SLC7A1: variants seen among roughly 807,000 people sequenced by gnomAD.
The protein encoded by SLC7A1 is solute carrier family 7 member 1, also known as high affinity cationic amino acid transporter 1.
A neutral mutation model predicts 53.9 loss-of-function variants in SLC7A1; 10 were observed. The observed-to-expected ratio is 0.19, with a 90% CI of 0.11 to 0.31. The LOEUF (loss-of-function observed/expected upper bound fraction) is 0.31. SLC7A1 is among the 10% of genes least tolerant of loss of function. The pLI, the probability that SLC7A1 is intolerant of heterozygous loss-of-function variation, is 1.00. For synonymous variants in SLC7A1, 342 were observed against 338.7 expected (o/e 1.01, Z -0.11); for missense variants, 525 against 827.2 (o/e 0.63, Z 4.48).
chr13:29,551,721 C>T (rs1870198766), intron 2 of SLC7A1, among the ~76,000 whole-genome samples: 1 of 152,098 alleles, frequency 6.6e-6, no homozygotes, highest in African/African-American at 2.4e-5. Context: ...TTAAGTCATG[C>T]TACTAATTAA....
At chr13:29,554,181 T>C (rs986245919) in intron 1 of SLC7A1, among the ~76,000 whole-genome samples, 1 of 152,176 alleles carries the variant, frequency 6.6e-6, no homozygotes, top group Admixed American at 6.5e-5. Flanking sequence ...ATCTAGGGCA[T>C]AGTCGTAGGC....
Position 29,532,120 on chromosome 13 carries a change from T to A in SLC7A1, c.529+704A>T, listed in dbSNP as rs1332499226. Among the ~76,000 whole-genome samples the A allele has an allele frequency of 2.0e-5, 3 of 152,330 alleles. No individual in the cohort carries two copies. The East Asian group carries it at 5.8e-4, about 29-fold the overall frequency. On this transcript the variant is annotated intron_variant, in intron 4 of 12. Transcript: ENST00000380752. ...TATGTGGTGTGTAAAATAAGGCATG[T>A]CATTTTTAAAACTCATCCAAGATTT...
At chr13:29,573,626 C>T (rs939328868) in intron 1 of SLC7A1, among the ~76,000 whole-genome samples, 1 of 152,216 alleles carries the variant, frequency 6.6e-6, no homozygotes, top group African/African-American at 2.4e-5. Flanking sequence ...AAATACAGGA[C>T]TGCCCAGTTA....
At position 29,543,275 on chromosome 13, in the gene SLC7A1, A is replaced by C. The variant is rs1317737073; in HGVS notation, c.-14-7073T>G. Among the ~76,000 whole-genome samples the C allele has an allele frequency of 5.9e-5, 9 of 152,370 alleles. No individual in the cohort carries two copies. In the East Asian group the frequency reaches 1.7e-3, roughly 29 times the overall value. ...TCAAGAAGTACAGAGGCACAGAGCCATTTGGGCACTTCCATATATCGAGCT... is the reference window on the plus strand; with the variant it reads ...TCAAGAAGTACAGAGGCACAGAGCCCTTTGGGCACTTCCATATATCGAGCT... On this transcript the variant is annotated intron_variant, in intron 2 of 12. Coordinates refer to ENST00000380752, the MANE Select transcript of SLC7A1 (RefSeq NM_003045.5).
chr13:29,553,740 G>A (rs866808141), intron 2 of SLC7A1, 21 bp downstream of exon 2: 4 of 152,282 alleles, frequency 2.6e-5, no homozygotes, highest in South Asian at 4.2e-4. Flanking sequence ...TTCTGCTGTC[G>A]TGCTGACAGG....
chr13:29,577,589 C>A (rs1468245981), intron 1 of SLC7A1, among the ~76,000 whole-genome samples: 3 of 152,194 alleles, frequency 2.0e-5, no homozygotes, highest in Non-Finnish European at 4.4e-5. Flanking sequence ...TGTGTCCACG[C>A]TGGGGCTGCA....
rs147389099 is a variant in SLC7A1 at position 29,586,010 on chromosome 13, G to C, written c.-115+9406C>G. Reference sequence around the variant, plus strand: ...ACAGGACAGGACAAACTGGCCCAAAGGTTCCTTAGTTACAGAGTAAGTAAG... The same window carrying C: ...ACAGGACAGGACAAACTGGCCCAAACGTTCCTTAGTTACAGAGTAAGTAAG... On this transcript the variant is annotated intron_variant, in intron 1 of 12. Coordinates refer to ENST00000380752, the MANE Select transcript of SLC7A1 (RefSeq NM_003045.5). Among the ~76,000 whole-genome samples, 328 of 152,298 alleles carry C rather than the reference G, an allele frequency of 2.2e-3. 1 individual carries two copies. Among genetic ancestry groups the C allele is most frequent in the African/African-American group, 7.6e-3 (316 of 41,542 alleles).
At chr13:29,526,129 C>T (rs188549661) in intron 5 of SLC7A1, among the ~76,000 whole-genome samples, 103 of 152,282 alleles carry the variant, frequency 6.8e-4, no homozygotes, top group African/African-American at 2.4e-3. Context: ...GGGTGACAGA[C>T]GGGCAGTGAA....
At chr13:29,522,581 T>TC in intron 7 of SLC7A1, 125 bp from the exon 8 acceptor site, 1 of 978,530 alleles carries the variant, frequency 1.0e-6, no homozygotes, top group Non-Finnish European at 1.5e-6. Flanking sequence ...CTGCCGTCCC[T>TC]CCACGCTGGG....
chr13:29,556,938 G>T (rs1343863625), intron 1 of SLC7A1, among the ~76,000 whole-genome samples: 3 of 152,236 alleles, frequency 2.0e-5, no homozygotes, highest in Non-Finnish European at 2.9e-5. Context: ...ATAGTCTCCT[G>T]TCGTGGTATA....
At chr13:29,571,096 T>C (rs1484711846) in intron 1 of SLC7A1, among the ~76,000 whole-genome samples, 1 of 152,154 alleles carries the variant, frequency 6.6e-6, no homozygotes, top group Non-Finnish European at 1.5e-5. Context: ...TGATAACTGT[T>C]TTTGCCATAC....
chr13:29,517,626 A>G lies in SLC7A1; in HGVS notation c.1457T>C (p.Met486Thr). 1 of 1,614,216 alleles carries G rather than the reference A, an allele frequency of 6.2e-7. No homozygotes were observed. ...TAGCCCAGAGATTTTGGAAGGCTCC[A>G]TGTTTTTGGGTGAGAGTATGGTTTT... is the stretch of plus-strand genomic sequence containing the variant. Reference protein sequence around the residue: ...SLKTILSPKNMEPSKISGLIV... With the variant: ...SLKTILSPKNTEPSKISGLIV... Residue 486 changes from methionine to threonine, a missense_variant, in exon 10 of 13, where the codon ATG becomes ACG. Physicochemically the swap from Met to Thr is moderately conservative, Grantham distance 81. Coordinates refer to ENST00000380752, the MANE Select transcript of SLC7A1 (RefSeq NM_003045.5).
chr13:29,590,626 C>T (rs1321079394), intron 1 of SLC7A1, among the ~76,000 whole-genome samples: 1 of 152,130 alleles, frequency 6.6e-6, no homozygotes, highest in Admixed American at 6.5e-5. Flanking sequence ...ATTGTTCCTT[C>T]CCTCAGACCT....
intron 2 of SLC7A1, among the ~76,000 whole-genome samples, chr13:29,539,321 T>A (rs1052693077): frequency 1.3e-5 from 2 of 152,158 alleles, no homozygotes. Flanking sequence ...AAGGCGAATG[T>A]GAGCCGGCTG....
intron 1 of SLC7A1, among the ~76,000 whole-genome samples, chr13:29,588,948 G>T (rs893779701): frequency 2.6e-5 from 4 of 152,198 alleles, no homozygotes; most frequent in Non-Finnish European, 5.9e-5. Context: ...CTGGGTCCCA[G>T]AAACTGCACC....
intron 10 of SLC7A1, 57 bp downstream of exon 10, chr13:29,517,516 T>C (rs953103161): frequency 2.8e-6 from 4 of 1,442,072 alleles, no homozygotes; most frequent in African/African-American, 1.4e-5. Flanking sequence ...CCAGCTCCAC[T>C]GCCTAGAAAC....
chr13:29,527,332 T>C (rs1162860066), intron 5 of SLC7A1, among the ~76,000 whole-genome samples: 1 of 152,170 alleles, frequency 6.6e-6, no homozygotes, highest in East Asian at 1.9e-4. Context: ...ATGAACCACG[T>C]AGTATTTTAC....
At chr13:29,578,634 T>C (rs999867111) in intron 1 of SLC7A1, among the ~76,000 whole-genome samples, 2 of 152,196 alleles carry the variant, frequency 1.3e-5, no homozygotes, top group African/African-American at 4.8e-5. Flanking sequence ...CCTGAACTAT[T>C]TCTCCCTGGA....
intron 1 of SLC7A1, among the ~76,000 whole-genome samples, chr13:29,555,949 C>T (rs1342832679): frequency 2.0e-5 from 3 of 152,156 alleles, no homozygotes; most frequent in Non-Finnish European, 4.4e-5. Flanking sequence ...AAGTGCAGGA[C>T]AGACCCATTA....
Sources: gnomAD v4.1 joint callset for allele counts (sites outside exome capture counted in the v4.1 genomes callset) on GRCh38, gnomAD v4.1.1 for gene constraint, MANE v1.5 for transcripts, NCBI Gene and HGNC (gene_info 2026-07-23, HGNC 2026-07-21) for gene names.